CACNA1A: variants seen among roughly 807,000 people sequenced by gnomAD.
CACNA1A encodes the protein calcium voltage-gated channel subunit alpha1 A.
In CACNA1A, 57 loss-of-function variants were observed where a neutral mutation model predicts 262.4. That is an observed-to-expected ratio of 0.22 (90% confidence interval 0.18 to 0.27). The LOEUF (loss-of-function observed/expected upper bound fraction) is 0.27, where lower values mean the gene tolerates loss of function less well. Ranked by LOEUF, CACNA1A falls within the 10% of genes least tolerant of loss-of-function variation. The probability of loss-of-function intolerance (pLI) is 1.00; values close to 1 mark genes in which losing one functional copy is unlikely to be tolerated. For missense variants in CACNA1A, 2,526 were observed against 3,562.8 expected (o/e 0.71, Z 7.41); for synonymous variants, 1,431 against 1,419.3 (o/e 1.01, Z -0.18).
intron 3 of CACNA1A, among the ~76,000 whole-genome samples, chr19:13,378,312 GACA>G (rs931891266): frequency 2.6e-5 from 4 of 152,174 alleles, no homozygotes; most frequent in African/African-American, 9.7e-5. Flanking sequence ...CTGTTAAAAT[GACA>G]ACATGAGATT....
At chr19:13,419,388 T>C (rs1006137181) in intron 3 of CACNA1A, among the ~76,000 whole-genome samples, 2 of 152,164 alleles carry the variant, frequency 1.3e-5, no homozygotes, top group African/African-American at 4.8e-5. Flanking sequence ...TAGACTATAT[T>C]TCCAAGGCTG....
chr19:13,328,761 GTGATC>G (rs2058413709), intron 10 of CACNA1A, among the ~76,000 whole-genome samples: 3 of 152,056 alleles, frequency 2.0e-5, no homozygotes, highest in African/African-American at 7.2e-5. Flanking sequence ...TACGAGATAT[GTGATC>G]GCAATGGAAA....
At chr19:13,496,043 ACCATCCATCCATCCATCCAT>A (rs140251496) in intron 1 of CACNA1A, among the ~76,000 whole-genome samples, 3 of 145,740 alleles carry the variant, frequency 2.1e-5, no homozygotes, top group Admixed American at 1.4e-4. Flanking sequence ...CATCTGTTCA[ACCATCCATCCATCCATCCAT>A]CCATCCATCC....
Position 13,506,285 on chromosome 19 carries a change from C to A in CACNA1A, c.-61G>T, listed in dbSNP as rs1309335122. On this transcript the variant is annotated 5_prime_UTR_variant, in exon 1 of 47. Transcript: ENST00000360228. ...GCGAACGATGCGGAAGACGCCGCCG[C>A]CGCCGCCGCCGCCGCTGATGCTGAG... is the stretch of plus-strand genomic sequence containing the variant. 1.5e-6 allele frequency: 2 copies of A among 1,343,250 alleles called. No homozygotes were observed. Among genetic ancestry groups the A allele is most frequent in the South Asian group, 1.7e-5 (1 of 57,172 alleles). 83.2% of individuals were successfully genotyped at this position (1,343,250 alleles called of 1,614,324 possible).
chr19:13,461,441 G>A (rs1464310167), intron 1 of CACNA1A, among the ~76,000 whole-genome samples: 2 of 152,264 alleles, frequency 1.3e-5, no homozygotes, highest in South Asian at 2.1e-4. Flanking sequence ...TAGAAACCCC[G>A]ACTTCATCTC....
chr19:13,433,078 A>T (rs1005836545), intron 3 of CACNA1A, among the ~76,000 whole-genome samples: 1 of 151,844 alleles, frequency 6.6e-6, no homozygotes, highest in Admixed American at 6.6e-5. Flanking sequence ...CGGATCACGA[A>T]GTCAGGAGAT....
intron 3 of CACNA1A, among the ~76,000 whole-genome samples, chr19:13,418,574 G>A (rs1352226380): frequency 6.6e-6 from 1 of 152,152 alleles, no homozygotes; most frequent in African/African-American, 2.4e-5. Context: ...CAGCAGAAGA[G>A]GGAACTTTGA....
intron 3 of CACNA1A, among the ~76,000 whole-genome samples, chr19:13,425,404 C>G (rs1235245322): frequency 6.6e-6 from 1 of 152,076 alleles, no homozygotes; most frequent in Non-Finnish European, 1.5e-5. Context: ...AGGGTACACA[C>G]GTGTTAGAAA....
At chr19:13,466,451 G>A (rs765404857) in intron 1 of CACNA1A, among the ~76,000 whole-genome samples, 35 of 151,212 alleles carry the variant, frequency 2.3e-4, no homozygotes, top group Non-Finnish European at 3.5e-4. Context: ...AGCTATTCTC[G>A]TGCCTCAGCC....
At chr19:13,303,280 G>A (rs2057826063) in intron 17 of CACNA1A, among the ~76,000 whole-genome samples, 1 of 152,274 alleles carries the variant, frequency 6.6e-6, no homozygotes, top group South Asian at 2.1e-4. Flanking sequence ...CGGCCTTTTG[G>A]TTGAGTTTGC....
intron 3 of CACNA1A, among the ~76,000 whole-genome samples, chr19:13,429,531 C>CAAAAAAAA (rs35308275): frequency 1.7e-5 from 1 of 57,212 alleles, no homozygotes; most frequent in Non-Finnish European, 3.8e-5. Flanking sequence ...TCAAAGCGTC[C>CAAAAAAAA]AAAAAAAAAA....
chr19:13,313,817 C>A (rs990805393), intron 11 of CACNA1A, among the ~76,000 whole-genome samples: 4 of 152,174 alleles, frequency 2.6e-5, no homozygotes, highest in Admixed American at 6.5e-5. Flanking sequence ...TCTACTTCTA[C>A]GTGACTGAGC....
chr19:13,207,496 G>T lies in CACNA1A; in HGVS notation c.7338C>A (p.Gly2446=). 2 of 1,421,890 alleles carry T rather than the reference G, an allele frequency of 1.4e-6. No homozygotes were observed. Among genetic ancestry groups the T allele is most frequent in the Non-Finnish European group, 1.8e-6 (2 of 1,094,090 alleles). The allele number at this position is 1,421,890 out of a possible 1,614,324, so 88.1% of individuals were successfully genotyped here. Residue 2446 remains glycine, a synonymous_variant, in exon 47 of 47, where the codon GGC becomes GGA. Transcript: ENST00000360228. The surrounding 1 kb of genome is among the most constrained non-coding windows in gnomAD (Gnocchi z 5.7). ...APPPVRHASS[G]ATGRSPRTPR... ...GAGTCCTGGGCGAGCGCCCGGTGGCGCCCGAGGACGCGTGTCGTACGGGGG... is the reference window on the plus strand; with the variant it reads ...GAGTCCTGGGCGAGCGCCCGGTGGCTCCCGAGGACGCGTGTCGTACGGGGG...
In CACNA1A at chr19:13,212,349, C is replaced by G. The variant is rs143518953; in HGVS notation, c.6189+35G>C. ...CCCTTCCACCTGAACCACCCGGGCC[C>G]TGGGAGCCATTGGGGAGTTGGGGGA... On this transcript the variant is annotated intron_variant, in intron 42 of 46. Coordinates refer to ENST00000360228, the MANE Select transcript of CACNA1A (RefSeq NM_001127222.2). This position sits in a 1 kb window ranked among gnomAD's most constrained non-coding sequence, Gnocchi z 5.6. 5.0e-6 allele frequency: 8 copies of G among 1,612,606 alleles called. No individual in the cohort carries two copies. The African/African-American group carries it at 8.0e-5, about 16-fold the overall frequency.
rs774307204 is a variant in CACNA1A, at chr19:13,207,370, C to T, written c.7464G>A (p.Pro2488=). The part of the protein sequence containing the change: ...PAHGLARPRG[P]GSRKGLHEPY... ...GTTCGTGCAGGCCCTTCCTGGAGCC[C>T]GGCCCGCGGGGCCTGGCCAGTCCGT... Residue 2488 remains proline (P), a synonymous_variant, in exon 47 of 47, where the codon CCG becomes CCA. Coordinates refer to ENST00000360228, the MANE Select transcript of CACNA1A (RefSeq NM_001127222.2). This position sits in a 1 kb window ranked among gnomAD's most constrained non-coding sequence, Gnocchi z 5.7. 3.9e-6 allele frequency: 6 copies of T among 1,550,758 alleles called. No homozygotes were observed. Among genetic ancestry groups the T allele is most frequent in the Admixed American group, 1.9e-5 (1 of 53,622 alleles).
intron 19 of CACNA1A, among the ~76,000 whole-genome samples, chr19:13,296,913 C>T (rs2057677493): frequency 6.6e-6 from 1 of 151,826 alleles, no homozygotes; most frequent in Admixed American, 6.6e-5. Context: ...GTGCATGCCA[C>T]CACATCTGTT....
At position 13,275,600 on chromosome 19, in the gene CACNA1A, GGCT is replaced by G. The variant is rs2057126336; in HGVS notation, c.3989+247_3989+249del. On this transcript the variant is annotated intron_variant, in intron 24 of 46. Coordinates refer to ENST00000360228, the MANE Select transcript of CACNA1A (RefSeq NM_001127222.2). Reference sequence around the variant, plus strand: ...CTGCACAGCAAGGGGCCAGTGATGTGGCTGAGGCCCGTTGCTGTGTGAGGAGGT... The same window carrying G: ...CTGCACAGCAAGGGGCCAGTGATGTGGAGGCCCGTTGCTGTGTGAGGAGGT... 3 of 532,644 alleles carry G rather than the reference GGCT, an allele frequency of 5.6e-6. No homozygotes were observed. In the African/African-American group the frequency reaches 5.7e-5, roughly 10 times the overall value. The allele number at this position is 532,644 out of a possible 1,614,324, so 33.0% of individuals were successfully genotyped here.
intron 3 of CACNA1A, among the ~76,000 whole-genome samples, chr19:13,412,560 C>A (rs985600832): frequency 6.6e-6 from 1 of 151,796 alleles, no homozygotes; most frequent in African/African-American, 2.4e-5. Flanking sequence ...TCACTGCAAC[C>A]TCCGCCTCCT....
Position 13,253,152 on chromosome 19 carries a change from T to TG in CACNA1A, c.4756-52dup. The TG allele has an allele frequency of 5.9e-6, 7 of 1,193,614 alleles. 1 individual carries two copies. The South Asian group carries it at 8.7e-5, about 15-fold the overall frequency. The allele number at this position is 1,193,614 out of a possible 1,614,324, so 73.9% of individuals were successfully genotyped here. ...GGGGTCAGCGAGCAGGGGTGGGAAGTGGGAAGTGGGGAGGCAGCTTCATGG... is the reference window on the plus strand; with the variant it reads ...GGGGTCAGCGAGCAGGGGTGGGAAGTGGGGAAGTGGGGAGGCAGCTTCATGG... On this transcript the variant is annotated intron_variant, in intron 29 of 46. Coordinates refer to ENST00000360228, the MANE Select transcript of CACNA1A (RefSeq NM_001127222.2).
Sources: gnomAD v4.1 joint callset for allele counts (sites outside exome capture counted in the v4.1 genomes callset) on GRCh38, gnomAD v4.1.1 for gene constraint, Gnocchi (gnomAD v3.1) non-coding constraint, MANE v1.5 for transcripts, NCBI Gene and HGNC (gene_info 2026-07-23, HGNC 2026-07-21) for gene names.